PLCH2: variants seen among roughly 807,000 people sequenced by gnomAD.
The protein encoded by PLCH2 is 1-phosphatidylinositol 4,5-bisphosphate phosphodiesterase eta-2.
A neutral mutation model predicts 134.7 loss-of-function variants in PLCH2; 98 were observed. That is an observed-to-expected ratio of 0.73 (90% CI 0.62 to 0.86). The LOEUF (loss-of-function observed/expected upper bound fraction) is 0.86. Ranked by LOEUF, PLCH2 falls within the 40% of genes least tolerant of loss-of-function variation. The pLI is 0.00. For synonymous variants in PLCH2, 974 were observed against 827.5 expected, an observed-to-expected ratio of 1.18 and a Z score of -3.04; for missense variants, 1,994 against 1,986.6, an observed-to-expected ratio of 1.00 and a Z score of -0.07.
At chr1:2,499,294 C>G in intron 19 of PLCH2, 64 bp downstream of exon 19, 4 of 1,573,472 alleles carry the variant, frequency 2.5e-6, no homozygotes, top group Non-Finnish European at 3.5e-6. Flanking sequence ...GGCAGGTACT[C>G]TTTCCCCTGT....
At chr1:2,441,176 C>A (rs1639674896) in intron 2 of PLCH2, among the ~76,000 whole-genome samples, 1 of 152,188 alleles carries the variant, frequency 6.6e-6, no homozygotes, top group South Asian at 2.1e-4. Flanking sequence ...GAGGAAAGCC[C>A]CTAGAGGGCC....
rs1329785278 is a variant in PLCH2 at position 2,478,488 on chromosome 1, T to G, written c.137T>G (p.Met46Arg). The change falls in exon 2 of 22, where the codon ATG (methionine) becomes AGG (arginine). Residue 46 changes from methionine (M) to arginine (R), a missense_variant. Physicochemically the swap from Met to Arg is moderately conservative, Grantham distance 91 (BLOSUM62 -1). Transcript: ENST00000378486. The stretch of plus-strand genomic sequence containing the variant: ...CTCCCGTGTCCAGTGGAGCGGTGCA[T>G]GGGTGCCATGCAAGAGGGGATGCAG... ...WQLGPLVERC[M>R]GAMQEGMQMV... 6.2e-7 allele frequency: 1 copy of G among 1,612,598 alleles called. No homozygotes were observed. The highest frequency in any genetic ancestry group is 1.3e-5 in the African/African-American group (1 of 74,876).
chr1:2,453,636 C>A (rs1395190155), intron 2 of PLCH2, among the ~76,000 whole-genome samples: 2 of 152,216 alleles, frequency 1.3e-5, no homozygotes, highest in Non-Finnish European at 2.9e-5. Context: ...CTCCACCACC[C>A]CTTCCTTCCA....
chr1:2,505,128 G>GCAGT lies in PLCH2; in HGVS notation c.4167_4170dup (p.Val1391GlnfsTer20). The GCAGT allele has an allele frequency of 6.4e-7, 1 of 1,553,820 alleles. No homozygotes were observed. Among genetic ancestry groups the GCAGT allele is most frequent in the South Asian group, 1.2e-5 (1 of 85,190 alleles). On this transcript the variant is annotated frameshift_variant, in exon 22 of 22. Coordinates refer to ENST00000378486, the MANE Select transcript of PLCH2 (RefSeq NM_014638.4). LOFTEE classifies it high-confidence loss of function. ...GGCGCCTGCTCCGTGGGCCACGAGG[G>GCAGT]CAGTGTGGATGCACCAGCACCCTCC...
chr1:2,456,857 G>A (rs978272713), intron 2 of PLCH2, among the ~76,000 whole-genome samples: 28 of 152,116 alleles, frequency 1.8e-4, no homozygotes, highest in African/African-American at 6.0e-4. Context: ...CTGGGTCTGC[G>A]GAGAGCAGGT....
At chr1:2,454,651 G>A (rs187344310) in intron 2 of PLCH2, among the ~76,000 whole-genome samples, 5 of 152,296 alleles carry the variant, frequency 3.3e-5, no homozygotes, top group African/African-American at 1.2e-4. Context: ...TCCGAGTGGG[G>A]AGGGGCCAGG....
At chr1:2,466,377 G>A (rs1446548501), upstream of PLCH2, among the ~76,000 whole-genome samples, 1 of 152,206 alleles carries the variant, frequency 6.6e-6, no homozygotes, top group East Asian at 1.9e-4. Context: ...CCTGAGTGGT[G>A]GTAAAGGCAG....
intron 2 of PLCH2, among the ~76,000 whole-genome samples, chr1:2,458,616 C>T (rs1640616266): frequency 6.6e-6 from 1 of 152,134 alleles, no homozygotes; most frequent in Non-Finnish European, 1.5e-5. Flanking sequence ...AGCTGGGCTC[C>T]ATCTGTGCCC....
At chr1:2,438,453 T>C (rs2100516842) in intron 2 of PLCH2, among the ~76,000 whole-genome samples, 1 of 152,238 alleles carries the variant, frequency 6.6e-6, no homozygotes, top group East Asian at 1.9e-4. Context: ...CACTCCCTCC[T>C]GTACTGTCTC....
rs540769865 is a variant in PLCH2 at position 2,499,196 on chromosome 1, C to T, written c.2547C>T (p.Gly849=). ...ATCCCATCGGGCGTGACTTCATTGGCCAGAGGACGCTGGCCTTCAGCAGCA... is the reference window on the plus strand; with the variant it reads ...ATCCCATCGGGCGTGACTTCATTGGTCAGAGGACGCTGGCCTTCAGCAGCA... ...DHDPIGRDFI[G]QRTLAFSSMM... Residue 849 remains glycine (G), a synonymous_variant, in exon 19 of 22, where the codon GGC becomes GGT. Coordinates refer to ENST00000378486, the MANE Select transcript of PLCH2 (RefSeq NM_014638.4). 9 of 1,613,066 alleles carry T rather than the reference C, an allele frequency of 5.6e-6. No homozygotes were observed. The South Asian group carries it at 6.6e-5, about 12-fold the overall frequency.
chr1:2,499,908 G>C (rs1273340677), intron 20 of PLCH2, 188 bp downstream of exon 20: 3 of 626,966 alleles, frequency 4.8e-6, no homozygotes, highest in Non-Finnish European at 8.7e-6. Flanking sequence ...TGAGCCACCA[G>C]TGCCCACCTC....
At chr1:2,427,961 C>T (rs898273461) in intron 1 of PLCH2, among the ~76,000 whole-genome samples, 2 of 152,088 alleles carry the variant, frequency 1.3e-5, no homozygotes, top group Non-Finnish European at 1.5e-5. Flanking sequence ...CTTCATCCTC[C>T]GGGGGCTTCG....
At chr1:2,433,209 G>A (rs1198225957) in intron 2 of PLCH2, among the ~76,000 whole-genome samples, 1 of 152,224 alleles carries the variant, frequency 6.6e-6, no homozygotes, top group Non-Finnish European at 1.5e-5. Context: ...CGCTGTGTAC[G>A]TGCTCAGGTG....
At chr1:2,484,676 G>A in intron 5 of PLCH2, 58 bp downstream of exon 5, 3 of 1,566,422 alleles carry the variant, frequency 1.9e-6, no homozygotes, top group African/African-American at 1.3e-5. Context: ...CTTCTGTTCT[G>A]AGCTTTGAGC....
intron 11 of PLCH2, among the ~76,000 whole-genome samples, chr1:2,491,951 C>T (rs1006828664): frequency 4.0e-5 from 6 of 151,832 alleles, no homozygotes; most frequent in East Asian, 3.9e-4. Context: ...CGGCAGATCC[C>T]GCAGTCCTGC....
chr1:2,497,881 T>C, intron 16 of PLCH2: 1 of 433,124 alleles, frequency 2.3e-6, no homozygotes, highest in Non-Finnish European at 4.2e-6. Flanking sequence ...ATGAGATTCA[T>C]GGCAGGACTT....
chr1:2,425,407 G>T (rs1012851656), upstream of PLCH2, among the ~76,000 whole-genome samples: 14 of 152,196 alleles, frequency 9.2e-5, no homozygotes, highest in African/African-American at 3.4e-4. Context: ...CTCGGCTGTT[G>T]TGAACAGTGT....
chr1:2,446,193 C>T (rs1037302489), intron 2 of PLCH2, among the ~76,000 whole-genome samples: 1 of 152,200 alleles, frequency 6.6e-6, no homozygotes, highest in African/African-American at 2.4e-5. Flanking sequence ...ATCAGTGTAC[C>T]CACTGAAGGC....
At chr1:2,502,441 C>T (rs1040340506) in intron 21 of PLCH2, 32 bp downstream of exon 21, 16 of 1,541,222 alleles carry the variant, frequency 1.0e-5, no homozygotes, top group African/African-American at 1.4e-5. Flanking sequence ...CAGAGAAGAG[C>T]CCTGTGCGAG....
Sources: allele counts gnomAD v4.1 joint callset (sites outside exome capture counted in the v4.1 genomes callset), GRCh38; gene constraint gnomAD v4.1.1; transcripts MANE v1.5; gene names NCBI Gene and HGNC (gene_info 2026-07-23, HGNC 2026-07-21).